Variants in RAD9B observed in about 807,000 individuals in gnomAD.
RAD9B encodes the protein RAD9 checkpoint clamp component B.
RAD9B carries 41 observed loss-of-function variants against 48.3 expected under a neutral mutation model. The observed-to-expected ratio is 0.85, with a 90% CI of 0.66 to 1.10. RAD9B has a LOEUF of 1.10. RAD9B is among the 50% of genes least tolerant of loss of function. The probability of loss-of-function intolerance (pLI) is 0.00; values close to 1 mark genes in which losing one functional copy is unlikely to be tolerated. For missense variants in RAD9B, 444 were observed against 485.1 expected (o/e 0.92, Z 0.80); for synonymous variants, 160 against 157.9 (o/e 1.01, Z -0.10).
intron 4 of RAD9B, among the ~76,000 whole-genome samples, chr12:110,509,388 A>G (rs1214649387): frequency 6.6e-6 from 1 of 151,946 alleles, no homozygotes; most frequent in Non-Finnish European, 1.5e-5. Context: ...TATAGGAATG[A>G]GCAACCACGC....
At chr12:110,525,256 G>T (rs575818823) in intron 10 of RAD9B, among the ~76,000 whole-genome samples, 1 of 152,100 alleles carries the variant, frequency 6.6e-6, no homozygotes, top group Non-Finnish European at 1.5e-5. Flanking sequence ...CTCCCAAAGT[G>T]CTGGGGTTAC....
chr12:110,512,144 C>CACATGTACCCCATAAATA (rs1362895733), intron 4 of RAD9B, among the ~76,000 whole-genome samples: 14 of 141,018 alleles, frequency 9.9e-5, no homozygotes, highest in South Asian at 4.5e-4. Context: ...CGTGCCTGGC[C>CACATGTACCCCATAAATA]TTTTTTTTTT....
intron 4 of RAD9B, among the ~76,000 whole-genome samples, chr12:110,508,916 T>A (rs879532578): frequency 1.3e-5 from 2 of 152,150 alleles, no homozygotes; most frequent in African/African-American, 2.4e-5. Flanking sequence ...TACCTCAGCC[T>A]CCAGAGTAGC....
Position 110,512,778 on chromosome 12 carries a change from G to T in RAD9B, c.389-1G>T. On this transcript the variant is annotated splice_acceptor_variant, in intron 4 of 10. Coordinates refer to ENST00000409300, the MANE Select transcript of RAD9B (RefSeq NM_001286535.2). LOFTEE classifies it high-confidence loss of function. ...TAAGAGGTGGCTTTATTCTTTTTAA[G>T]GTATTAAAAGAACTCATAATATATG... The T allele has an allele frequency of 8.4e-7, 1 of 1,190,476 alleles. No homozygotes were observed. 73.7% of individuals were successfully genotyped at this position (1,190,476 alleles called of 1,614,324 possible). A position where few individuals can be genotyped will look rare whatever the true frequency, so the allele number is the denominator to read the frequency against.
At chr12:110,528,359 A>T (rs934067455) in intron 10 of RAD9B, among the ~76,000 whole-genome samples, 3 of 152,172 alleles carry the variant, frequency 2.0e-5, no homozygotes, top group African/African-American at 7.2e-5. Flanking sequence ...AGGTTTGGAG[A>T]AGTAGATTCA....
chr12:110,530,487 C>T, intron 10 of RAD9B, 38 bp from the exon 11 acceptor site: 1 of 1,608,376 alleles, frequency 6.2e-7, no homozygotes, highest in Non-Finnish European at 8.5e-7. Flanking sequence ...CAAACTTTCT[C>T]TTTGGAATCA....
At chr12:110,520,628 C>CTTTTT (rs71083129) in intron 9 of RAD9B, among the ~76,000 whole-genome samples, 407 of 99,824 alleles carry the variant, frequency 4.1e-3, no homozygotes, top group African/African-American at 6.8e-3. Flanking sequence ...TTCTTGCTTT[C>CTTTTT]TTTTTTTTTT....
At position 110,530,510 on chromosome 12, in the gene RAD9B, C is replaced by T. The variant is rs372604908; in HGVS notation, c.1126-15C>T. 1.4e-4 allele frequency: 223 copies of T among 1,613,030 alleles called. No individual in the cohort carries two copies. Among genetic ancestry groups the T allele is most frequent in the Non-Finnish European group, 1.8e-4 (215 of 1,179,536 alleles). Reference sequence around the variant, plus strand: ...CTCTTTGGAATCAACAATGCAGTTCCTTTTTTCCCTCCAGTTTTCTTGCAT... The same window carrying T: ...CTCTTTGGAATCAACAATGCAGTTCTTTTTTTCCCTCCAGTTTTCTTGCAT... On this transcript the variant is annotated splice_polypyrimidine_tract_variant and intron_variant, in intron 10 of 10. Transcript: ENST00000409300.
Position 110,530,958 on chromosome 12 carries a change from C to A in RAD9B, c.*305C>A. 1 of 1,062,214 alleles carries A rather than the reference C, an allele frequency of 9.4e-7. No homozygotes were observed. Among genetic ancestry groups the A allele is most frequent in the South Asian group, 4.0e-5 (1 of 25,166 alleles). The allele number at this position is 1,062,214 out of a possible 1,614,324, so 65.8% of individuals were successfully genotyped here. A position where few individuals can be genotyped will look rare whatever the true frequency, so the allele number is the denominator to read the frequency against. On this transcript the variant is annotated 3_prime_UTR_variant, in exon 11 of 11. Transcript: ENST00000409300. ...CACCCTAGAGCTTTTAACATCTTTG[C>A]TAGTTTTATAAAGGTATTTAAACTT...
intron 4 of RAD9B, among the ~76,000 whole-genome samples, chr12:110,507,387 A>G (rs1429806877): frequency 4.2e-5 from 6 of 143,040 alleles, no homozygotes; most frequent in Non-Finnish European, 9.1e-5. Flanking sequence ...TATGTATTAT[A>G]TATAATATAT....
chr12:110,524,126 G>A (rs1593104656), intron 10 of RAD9B, among the ~76,000 whole-genome samples: 1 of 152,106 alleles, frequency 6.6e-6, no homozygotes, highest in Non-Finnish European at 1.5e-5. Context: ...CTCTTACCAC[G>A]TATTAACTGC....
At position 110,531,596 on chromosome 12, in the gene RAD9B, TG is replaced by T. The variant is rs1375663401; in HGVS notation, c.*945del. On this transcript the variant is annotated 3_prime_UTR_variant, in exon 11 of 11. Transcript: ENST00000409300. ...CAGTGTGCTGCAGGAAAGAATTTAATGGAAGTGATGCCAAATATTTCTGTAT... is the reference window on the plus strand; with the variant it reads ...CAGTGTGCTGCAGGAAAGAATTTAATGAAGTGATGCCAAATATTTCTGTAT... The T allele has an allele frequency of 6.2e-7, 1 of 1,609,194 alleles. No individual in the cohort carries two copies. The highest frequency in any genetic ancestry group is 8.5e-7 in the Non-Finnish European group (1 of 1,176,440).
intron 4 of RAD9B, among the ~76,000 whole-genome samples, chr12:110,509,381 A>T (rs1024726630): frequency 6.6e-6 from 1 of 151,884 alleles, no homozygotes; most frequent in Non-Finnish European, 1.5e-5. Flanking sequence ...CTGGGATTAT[A>T]GGAATGAGCA....
rs1593064774 is a variant in RAD9B, at chr12:110,513,231, G to A, written c.488+353G>A. On this transcript the variant is annotated intron_variant, in intron 5 of 10. Coordinates refer to ENST00000409300, the MANE Select transcript of RAD9B (RefSeq NM_001286535.2). ...GATCCACCTGCCTTGGCCCCCTAAA[G>A]TGCTGGTATTACAGGCGTGAGCCAC... is the stretch of plus-strand genomic sequence containing the variant. 5.3e-5 allele frequency among the ~76,000 whole-genome samples: 8 copies of A among 151,708 alleles called. 2 individuals are homozygous for A. The highest frequency in any genetic ancestry group is 5.2e-4 in the Admixed American group (8 of 15,244).
At chr12:110,510,967 A>G (rs1334501315) in intron 4 of RAD9B, among the ~76,000 whole-genome samples, 1 of 151,990 alleles carries the variant, frequency 6.6e-6, no homozygotes, top group Non-Finnish European at 1.5e-5. Context: ...AAAAAGAAAG[A>G]GAGAAAGGAA....
At chr12:110,506,337 C>A (rs1201814701) in intron 3 of RAD9B, among the ~76,000 whole-genome samples, 3 of 151,858 alleles carry the variant, frequency 2.0e-5, no homozygotes, top group Admixed American at 1.3e-4. Context: ...TACAGGCGCC[C>A]GCCACTACGC....
intron 4 of RAD9B, among the ~76,000 whole-genome samples, chr12:110,507,116 T>C (rs1593040085): frequency 6.6e-6 from 1 of 152,010 alleles, no homozygotes; most frequent in Non-Finnish European, 1.5e-5. Context: ...AGTGCTGGGA[T>C]GAGCCACTGC....
intron 6 of RAD9B, 141 bp from the exon 7 acceptor site, chr12:110,518,535 T>G (rs888774801): frequency 1.7e-5 from 9 of 534,146 alleles, no homozygotes; most frequent in Middle Eastern, 4.9e-4. Flanking sequence ...AAAAATAGCA[T>G]GCAGATATCA....
At position 110,530,643 on chromosome 12, in the gene RAD9B, C is replaced by T; in HGVS notation, c.1244C>T (p.Ser415Phe). The stretch of plus-strand genomic sequence containing the variant: ...GAGGACATGAATAATGGCAGTTTCT[C>T]TATATTCTAATGCTTAATGATGGCT... ...SEEDMNNGSFSIF is the reference protein window; with the variant it reads ...SEEDMNNGSFFIF Residue 415 changes from serine to phenylalanine, a missense_variant, in exon 11 of 11, where the codon TCT becomes TTT. Coordinates refer to ENST00000409300, the MANE Select transcript of RAD9B (RefSeq NM_001286535.2). 1 of 1,613,930 alleles carries T rather than the reference C, an allele frequency of 6.2e-7. No individual in the cohort carries two copies. The highest frequency in any genetic ancestry group is 2.2e-5 in the East Asian group (1 of 44,892).
Sources: gnomAD v4.1 joint callset for allele counts (sites outside exome capture counted in the v4.1 genomes callset) on GRCh38, gnomAD v4.1.1 for gene constraint, MANE v1.5 for transcripts, NCBI Gene and HGNC (gene_info 2026-07-23, HGNC 2026-07-21) for gene names.